Variants in HIVEP3 observed in about 807,000 individuals in gnomAD.
HIVEP3 encodes the protein HIVEP zinc finger 3, also known as transcription factor HIVEP3.
HIVEP3 carries 49 observed loss-of-function variants against 152.8 expected under a neutral mutation model. The ratio of observed to expected loss-of-function variants is 0.32; its 90% CI spans 0.26 to 0.41. The LOEUF (loss-of-function observed/expected upper bound fraction) is 0.41. HIVEP3 is among the 10% of genes least tolerant of loss of function. The pLI, the probability that HIVEP3 is intolerant of heterozygous loss-of-function variation, is 1.00. For synonymous variants in HIVEP3, 1,269 were observed against 1,289.0 expected, an observed-to-expected ratio of 0.98 and a Z score of 0.33; for missense variants, 2,790 against 3,103.3, an observed-to-expected ratio of 0.90 and a Z score of 2.40.
chr1:41,841,578 C>T (rs555970809), intron 1 of HIVEP3, among the ~76,000 whole-genome samples: 3 of 152,294 alleles, frequency 2.0e-5, no homozygotes, highest in East Asian at 3.9e-4. Flanking sequence ...GAGAGGGGAA[C>T]GGCCTGTGTG....
chr1:41,751,065 C>T (rs934578411), intron 1 of HIVEP3, among the ~76,000 whole-genome samples: 11 of 152,160 alleles, frequency 7.2e-5, no homozygotes, highest in African/African-American at 2.4e-4. Flanking sequence ...CATGGGCATC[C>T]GTGTTAAACC....
chr1:42,003,587 CACTCCTTCCTGGCACAG>C (rs1431579223), intron 1 of HIVEP3, among the ~76,000 whole-genome samples: 1 of 152,164 alleles, frequency 6.6e-6, no homozygotes, highest in African/African-American at 2.4e-5. Context: ...GTCCCCCAGG[CACTCCTTCCTGGCACAG>C]ATCCTGAAAT....
At chr1:42,003,404 T>C (rs1464585922) in intron 1 of HIVEP3, among the ~76,000 whole-genome samples, 1 of 152,160 alleles carries the variant, frequency 6.6e-6, no homozygotes, top group African/African-American at 2.4e-5. Context: ...AAAAACAATA[T>C]CATACAAAAG....
At chr1:41,931,137 G>T (rs1358874175) in intron 1 of HIVEP3, among the ~76,000 whole-genome samples, 1 of 151,848 alleles carries the variant, frequency 6.6e-6, no homozygotes, top group African/African-American at 2.4e-5. Flanking sequence ...ATTCATTAAT[G>T]TTTCTTTTAT....
At chr1:41,783,941 T>TG (rs1306881554) in intron 1 of HIVEP3, among the ~76,000 whole-genome samples, 3 of 152,170 alleles carry the variant, frequency 2.0e-5, no homozygotes, top group Admixed American at 2.0e-4. Flanking sequence ...TCCATTTTCT[T>TG]GGGGTGGATT....
chr1:41,947,979 C>T (rs1383135122), intron 1 of HIVEP3, among the ~76,000 whole-genome samples: 1 of 152,234 alleles, frequency 6.6e-6, no homozygotes, highest in East Asian at 1.9e-4. Flanking sequence ...AAGGCCAGTG[C>T]CGCGACTGCG....
intron 1 of HIVEP3, among the ~76,000 whole-genome samples, chr1:41,756,033 C>T (rs1647293393): frequency 6.6e-6 from 1 of 152,210 alleles, no homozygotes; most frequent in Admixed American, 6.5e-5. Flanking sequence ...TACTTGAATG[C>T]TCACAGCAGC....
chr1:41,837,206 C>T (rs1346921213), intron 1 of HIVEP3, among the ~76,000 whole-genome samples: 1 of 152,234 alleles, frequency 6.6e-6, no homozygotes, highest in African/African-American at 2.4e-5. Flanking sequence ...TGCACAGCTG[C>T]TTCCATCTCA....
chr1:41,814,968 A>G lies in HIVEP3; in HGVS notation c.-801+103445T>C, dbSNP rs947492688. On this transcript the variant is annotated intron_variant, in intron 1 of 8. Transcript: ENST00000372583. ...AGATACAGCAGTAATCAGGACAGAT[A>G]AGGTTCCTGCTAAAATCAAACTTAG... Among the ~76,000 whole-genome samples, 4 of 152,366 alleles carry G rather than the reference A, an allele frequency of 2.6e-5. No homozygotes were observed. The South Asian group carries it at 8.3e-4, about 32-fold the overall frequency.
chr1:41,985,630 G>A (rs1325014288), intron 1 of HIVEP3, among the ~76,000 whole-genome samples: 3 of 152,142 alleles, frequency 2.0e-5, no homozygotes, highest in African/African-American at 4.8e-5. Flanking sequence ...TTCAACATAC[G>A]AATTTGCAGG....
At chr1:42,034,935 G>T (rs1183941116) in intron 1 of HIVEP3, among the ~76,000 whole-genome samples, 1 of 152,102 alleles carries the variant, frequency 6.6e-6, no homozygotes, top group Non-Finnish European at 1.5e-5. Context: ...GCAACCAGAA[G>T]ACATGGAATC....
intron 3 of HIVEP3, among the ~76,000 whole-genome samples, chr1:41,615,106 T>C (rs987957056): frequency 1.3e-5 from 2 of 152,212 alleles, no homozygotes; most frequent in African/African-American, 4.8e-5. Context: ...AATGCCATCG[T>C]ATTGTATTGC....
intron 5 of HIVEP3, among the ~76,000 whole-genome samples, chr1:41,541,149 G>A (rs765747435): frequency 3.3e-5 from 5 of 152,192 alleles, no homozygotes; most frequent in Non-Finnish European, 5.9e-5. Flanking sequence ...GTGTGATCCT[G>A]AGCAAGCACC....
rs1489493920 is a variant in HIVEP3, at chr1:41,665,705, T to TACACACACACACACACAC, written c.-721+35210_-721+35211insGTGTGTGTGTGTGTGTGT. On this transcript the variant is annotated intron_variant, in intron 2 of 8. Transcript: ENST00000372583. ...TGAATGCTTGTTTCCACGGAAATGT[T>TACACACACACACACACAC]ATACACACACACACACACACACACA... is the stretch of plus-strand genomic sequence containing the variant. 1.4e-3 allele frequency among the ~76,000 whole-genome samples: 30 copies of TACACACACACACACACAC among 21,850 alleles called. 1 individual carries two copies. In the East Asian group the frequency reaches 0.067, roughly 49 times the overall value. 14.3% of individuals were successfully genotyped at this position (21,850 alleles called of 152,430 possible).
chr1:41,874,916 G>A (rs1025367129), intron 1 of HIVEP3, among the ~76,000 whole-genome samples: 8 of 152,164 alleles, frequency 5.3e-5, no homozygotes, highest in Non-Finnish European at 7.3e-5. Context: ...CACAACTTGG[G>A]CTGGCCTTGG....
At chr1:41,555,718 G>A (rs560408060) in intron 5 of HIVEP3, among the ~76,000 whole-genome samples, 5 of 152,286 alleles carry the variant, frequency 3.3e-5, no homozygotes, top group Admixed American at 1.3e-4. Flanking sequence ...CCAGCTCCAC[G>A]ACTGTCCAGC....
At chr1:41,544,438 A>G (rs1223636830) in intron 5 of HIVEP3, 1 of 151,916 alleles carries the variant, frequency 6.6e-6, no homozygotes, top group Non-Finnish European at 1.5e-5. Flanking sequence ...TGAATTGATT[A>G]AACACCCTCT....
chr1:41,679,445 T>A (rs1646005585), intron 2 of HIVEP3, among the ~76,000 whole-genome samples: 1 of 152,138 alleles, frequency 6.6e-6, no homozygotes, highest in African/African-American at 2.4e-5. Context: ...CCCAGTTGGG[T>A]GCGTGGGACT....
At chr1:41,969,243 T>C (rs1375633963) in intron 1 of HIVEP3, among the ~76,000 whole-genome samples, 2 of 152,084 alleles carry the variant, frequency 1.3e-5, no homozygotes, top group Admixed American at 1.3e-4. Flanking sequence ...AAAGAGCCTA[T>C]ATAGCCAAGA....
Sources: allele counts gnomAD v4.1 joint callset (sites outside exome capture counted in the v4.1 genomes callset), GRCh38; gene constraint gnomAD v4.1.1; transcripts MANE v1.5; gene names NCBI Gene and HGNC (gene_info 2026-07-23, HGNC 2026-07-21).